Variants in NECAB1 observed in about 807,000 individuals in gnomAD.
NECAB1 encodes the protein N-terminal EF-hand calcium-binding protein 1.
In NECAB1, 29 loss-of-function variants were observed where a neutral mutation model predicts 57.5. The observed-to-expected ratio is 0.50, with a 90% CI of 0.38 to 0.69. The LOEUF is 0.69. Ranked by LOEUF, NECAB1 falls within the 30% of genes least tolerant of loss-of-function variation. The pLI is 0.00. For missense variants in NECAB1, 372 were observed against 413.8 expected, an observed-to-expected ratio of 0.90 and a Z score of 0.88; for synonymous variants, 142 against 147.7, an observed-to-expected ratio of 0.96 and a Z score of 0.28.
intron 5 of NECAB1, among the ~76,000 whole-genome samples, chr8:90,910,280 T>A (rs1393323697): frequency 6.6e-6 from 1 of 152,138 alleles, no homozygotes; most frequent in East Asian, 1.9e-4. Flanking sequence ...TCATCTTGTC[T>A]TTCTGGTATG....
intron 2 of NECAB1, among the ~76,000 whole-genome samples, chr8:90,809,030 G>T (rs1811907764): frequency 6.6e-6 from 1 of 152,216 alleles, no homozygotes; most frequent in Non-Finnish European, 1.5e-5. Context: ...AGTGCCCAGA[G>T]GTCTGTCCAT....
intron 3 of NECAB1, among the ~76,000 whole-genome samples, chr8:90,867,686 C>T (rs535785888): frequency 7.9e-4 from 120 of 152,304 alleles, no homozygotes; most frequent in Non-Finnish European, 1.5e-3. Context: ...ACTGTATTAA[C>T]ATTTATACAT....
intron 3 of NECAB1, among the ~76,000 whole-genome samples, chr8:90,869,262 G>C (rs1808575349): frequency 6.6e-6 from 1 of 152,344 alleles, no homozygotes; most frequent in African/African-American, 2.4e-5. Context: ...ATCTCTACTA[G>C]GGCAGAGCAG....
chr8:90,939,743 A>G (rs1453147178), intron 9 of NECAB1, among the ~76,000 whole-genome samples: 1 of 152,242 alleles, frequency 6.6e-6, no homozygotes, highest in Non-Finnish European at 1.5e-5. Flanking sequence ...CAACAAAAGT[A>G]GGAATATTTG....
intron 1 of NECAB1, among the ~76,000 whole-genome samples, chr8:90,798,648 T>C (rs991894568): frequency 5.3e-5 from 8 of 152,210 alleles, no homozygotes; most frequent in Non-Finnish European, 5.9e-5. Flanking sequence ...TTTATGGCTG[T>C]GTAGTATTCC....
chr8:90,856,881 C>G (rs541075993), intron 3 of NECAB1, among the ~76,000 whole-genome samples: 7 of 152,268 alleles, frequency 4.6e-5, no homozygotes, highest in Non-Finnish European at 8.8e-5. Flanking sequence ...TTCCTCTGAA[C>G]TAAGTAACGC....
intron 3 of NECAB1, among the ~76,000 whole-genome samples, chr8:90,840,846 T>C (rs937477359): frequency 4.0e-5 from 6 of 151,540 alleles, no homozygotes; most frequent in East Asian, 1.9e-4. Flanking sequence ...TAACTCTTCT[T>C]TGGGGGATGT....
At chr8:90,936,152 GCTAGTGCT>G (rs1311538322) in intron 9 of NECAB1, among the ~76,000 whole-genome samples, 1 of 152,020 alleles carries the variant, frequency 6.6e-6, no homozygotes, top group East Asian at 1.9e-4. Flanking sequence ...TTATTTCATA[GCTAGTGCT>G]CTAGTGCTCA....
chr8:90,918,664 T>C (rs79855620), intron 6 of NECAB1, among the ~76,000 whole-genome samples: 2,259 of 152,202 alleles, frequency 0.015, 49 homozygotes, highest in African/African-American at 0.051. Context: ...ACTGGACCTG[T>C]AGGATGAATT....
intron 2 of NECAB1, chr8:90,812,816 T>G (rs1811984105): frequency 6.6e-6 from 1 of 152,142 alleles, no homozygotes; most frequent in Non-Finnish European, 1.5e-5. Context: ...AATAAGAAGA[T>G]GAAACTACTT....
At chr8:90,930,451 G>A (rs1445220175) in intron 8 of NECAB1, among the ~76,000 whole-genome samples, 3 of 152,176 alleles carry the variant, frequency 2.0e-5, no homozygotes, top group African/African-American at 4.8e-5. Context: ...GAATTTCAAG[G>A]TACAATGGGA....
chr8:90,934,470 T>C (rs1810484084), intron 9 of NECAB1, 113 bp downstream of exon 9: 2 of 704,712 alleles, frequency 2.8e-6, no homozygotes, highest in Non-Finnish European at 4.5e-6. Flanking sequence ...GTAGTCGTAT[T>C]TCATTTTATA....
intron 5 of NECAB1, among the ~76,000 whole-genome samples, chr8:90,906,431 A>T (rs748848658): frequency 6.6e-6 from 1 of 152,046 alleles, no homozygotes; most frequent in East Asian, 1.9e-4. Context: ...TCCAGCTTCA[A>T]CCCCCTACCT....
At chr8:90,853,894 G>C (rs993956889) in intron 3 of NECAB1, among the ~76,000 whole-genome samples, 16 of 151,360 alleles carry the variant, frequency 1.1e-4, no homozygotes, top group African/African-American at 2.7e-4. Context: ...TTTATGTAGT[G>C]GGTAAGGAAT....
At chr8:90,813,234 TACACACACACAC>T (rs398008736) in intron 2 of NECAB1, 12 of 85,556 alleles carry the variant, frequency 1.4e-4, no homozygotes, top group Middle Eastern at 5.6e-3. Flanking sequence ...TATGTATATA[TACACACACACAC>T]ACACACACAC....
chr8:90,935,295 G>A (rs924633597), intron 9 of NECAB1, among the ~76,000 whole-genome samples: 2 of 152,168 alleles, frequency 1.3e-5, no homozygotes, highest in African/African-American at 4.8e-5. Context: ...GGATTCTTCA[G>A]AGGAAGCTTT....
chr8:90,927,923 A>G (rs928925291), intron 7 of NECAB1, among the ~76,000 whole-genome samples: 10 of 151,980 alleles, frequency 6.6e-5, no homozygotes, highest in Admixed American at 5.2e-4. Context: ...TCCTGTTTGC[A>G]AAAGAAAACC....
chr8:90,879,028 ATATT>A (rs962529419), intron 4 of NECAB1, among the ~76,000 whole-genome samples: 1 of 142,834 alleles, frequency 7.0e-6, no homozygotes, highest in African/African-American at 2.6e-5. Context: ...AATATATATT[ATATT>A]TATTATTTAT....
At chr8:90,872,362 G>A (rs892383554) in intron 4 of NECAB1, 19 of 451,108 alleles carry the variant, frequency 4.2e-5, no homozygotes, top group Admixed American at 3.8e-4. Flanking sequence ...TCATTAGTTC[G>A]TTCATAGAAG....
Sources: allele counts gnomAD v4.1 joint callset (sites outside exome capture counted in the v4.1 genomes callset), GRCh38; gene constraint gnomAD v4.1.1; transcripts MANE v1.5; gene names NCBI Gene and HGNC (gene_info 2026-07-23, HGNC 2026-07-21).